PIEZO2: variants seen among roughly 807,000 people sequenced by gnomAD.
PIEZO2 encodes the protein piezo type mechanosensitive ion channel component 2.
A neutral mutation model predicts 337.3 loss-of-function variants in PIEZO2; 172 were observed. The ratio of observed to expected loss-of-function variants is 0.51; its 90% CI spans 0.45 to 0.58. The LOEUF is 0.58. Among genes scored for constraint, PIEZO2 ranks in the 20% least tolerant of loss-of-function variants. PIEZO2 has a pLI of 0.00. For missense variants in PIEZO2, 3,028 were observed against 3,391.3 expected (o/e 0.89, Z 2.66); for synonymous variants, 1,251 against 1,228.5 (o/e 1.02, Z -0.38).
intron 52 of PIEZO2, among the ~76,000 whole-genome samples, chr18:10,679,570 G>T (rs1308956501): frequency 1.3e-5 from 2 of 152,090 alleles, no homozygotes; most frequent in African/African-American, 4.8e-5. Flanking sequence ...CAAATCACTT[G>T]ATGCTCTGCC....
intron 1 of PIEZO2, among the ~76,000 whole-genome samples, chr18:11,090,252 A>G (rs1426687217): frequency 6.6e-6 from 1 of 152,208 alleles, no homozygotes; most frequent in Non-Finnish European, 1.5e-5. Context: ...TATCTGCCAG[A>G]TTAAATGACA....
In PIEZO2 at chr18:10,696,163, C is replaced by T; in HGVS notation, c.7101G>A (p.Lys2367=). ...MVVDRALYLR[K]TVLGKVIFQV... ...GGAAGATGACCTTTCCCAGTACAGT[C>T]TTCCTGAGGTAGAGGGCTCGGTCCA... is the stretch of plus-strand genomic sequence containing the variant. The change falls in exon 47 of 56, where the codon AAG becomes AAA. Residue 2367 remains lysine, a synonymous_variant. Transcript: ENST00000674853. The T allele has an allele frequency of 6.2e-7, 1 of 1,614,164 alleles. No individual in the cohort carries two copies. Among genetic ancestry groups the T allele is most frequent in the Non-Finnish European group, 8.5e-7 (1 of 1,179,982 alleles).
chr18:10,695,339 G>T (rs1366062552), intron 47 of PIEZO2, among the ~76,000 whole-genome samples: 1 of 152,172 alleles, frequency 6.6e-6, no homozygotes, highest in Non-Finnish European at 1.5e-5. Context: ...GCTTGGAGAT[G>T]CCAGGCACAC....
intron 42 of PIEZO2, among the ~76,000 whole-genome samples, chr18:10,702,391 T>C (rs981085256): frequency 6.6e-6 from 1 of 152,196 alleles, no homozygotes; most frequent in Non-Finnish European, 1.5e-5. Flanking sequence ...TCTTTCACTG[T>C]AGATCCAGCA....
Position 11,127,837 on chromosome 18 carries a change from T to C in PIEZO2, c.64+20688A>G, listed in dbSNP as rs1021754181. Among the ~76,000 whole-genome samples the C allele has an allele frequency of 3.9e-5, 4 of 103,144 alleles. No homozygotes were observed. Among genetic ancestry groups the C allele is most frequent in the Non-Finnish European group, 6.2e-5 (3 of 48,138 alleles). 67.7% of individuals were successfully genotyped at this position (103,144 alleles called of 152,430 possible). A position where few individuals can be genotyped will look rare whatever the true frequency, so the allele number is the denominator to read the frequency against. ...TGTGTGTGTGTGTGTATCCTATTAG[T>C]TCTCTTCCTCTAAGAGAACCCTAAT... is the stretch of plus-strand genomic sequence containing the variant. On this transcript the variant is annotated intron_variant, in intron 1 of 55. Coordinates refer to ENST00000674853, the MANE Select transcript of PIEZO2 (RefSeq NM_001378183.1). This position sits in a 1 kb window ranked among gnomAD's most constrained non-coding sequence, Gnocchi z 4.5.
chr18:10,723,085 A>G (rs1459919673), intron 36 of PIEZO2, among the ~76,000 whole-genome samples: 2 of 149,024 alleles, frequency 1.3e-5, no homozygotes, highest in Non-Finnish European at 3.0e-5. Flanking sequence ...CTCCTACCTC[A>G]GCCTCCCAAG....
intron 14 of PIEZO2, among the ~76,000 whole-genome samples, chr18:10,790,655 G>A (rs1356161210): frequency 6.6e-6 from 1 of 151,494 alleles, no homozygotes; most frequent in African/African-American, 2.4e-5. Context: ...ATTTCTCAGA[G>A]CCTCAGTTTT....
chr18:10,929,612 C>T lies in PIEZO2; in HGVS notation c.287-18384G>A, dbSNP rs2031960870. 6.6e-6 allele frequency among the ~76,000 whole-genome samples: 1 copy of T among 152,174 alleles called. No homozygotes were observed. Among genetic ancestry groups the T allele is most frequent in the Non-Finnish European group, 1.5e-5 (1 of 68,022 alleles). ...GCAAGACTGTGAGAGGAAAATGCCTCTACCAACCTCTCGGGTCTCAGGACA... is the reference window on the plus strand; with the variant it reads ...GCAAGACTGTGAGAGGAAAATGCCTTTACCAACCTCTCGGGTCTCAGGACA... On this transcript the variant is annotated intron_variant, in intron 3 of 55. Transcript: ENST00000674853. This position sits in a 1 kb window ranked among gnomAD's most constrained non-coding sequence, Gnocchi z 5.6.
chr18:10,701,803 T>C, intron 43 of PIEZO2, 186 bp downstream of exon 43: 2 of 458,450 alleles, frequency 4.4e-6, no homozygotes, highest in Non-Finnish European at 7.3e-6. Context: ...AAATGTCAGC[T>C]AAATGAACTT....
In PIEZO2 at chr18:11,146,752, G is replaced by A. The variant is rs2040821502; in HGVS notation, c.64+1773C>T. 6.6e-6 allele frequency among the ~76,000 whole-genome samples: 1 copy of A among 152,184 alleles called. No individual in the cohort carries two copies. Among genetic ancestry groups the A allele is most frequent in the Non-Finnish European group, 1.5e-5 (1 of 68,036 alleles). On this transcript the variant is annotated intron_variant, in intron 1 of 55. Transcript: ENST00000674853. The surrounding 1 kb of genome is among the most constrained non-coding windows in gnomAD (Gnocchi z 6.1). Reference sequence around the variant, plus strand: ...CTGGTGCCAAGTCACAGAGTGGACCGAGCTGGCTGCAGGGAACCACATGCC... The same window carrying A: ...CTGGTGCCAAGTCACAGAGTGGACCAAGCTGGCTGCAGGGAACCACATGCC...
intron 27 of PIEZO2, 117 bp from the exon 28 acceptor site, chr18:10,752,996 A>T (rs2037703848): frequency 8.0e-7 from 1 of 1,256,684 alleles, no homozygotes; most frequent in South Asian, 1.6e-5. Context: ...TGCAAATCAG[A>T]CTGTGAGCTT....
chr18:10,941,356 T>G (rs2032716720), intron 3 of PIEZO2, among the ~76,000 whole-genome samples: 1 of 152,178 alleles, frequency 6.6e-6, no homozygotes, highest in South Asian at 2.1e-4. Context: ...AATCCCCGCT[T>G]ACACCCCAAG....
rs530586015 is a variant in PIEZO2 at position 11,003,166 on chromosome 18, C to T, written c.161-23506G>A. Among the ~76,000 whole-genome samples the T allele has an allele frequency of 5.6e-4, 86 of 152,300 alleles. No individual in the cohort carries two copies. The highest frequency in any genetic ancestry group is 8.4e-4 in the Non-Finnish European group (57 of 68,020). On this transcript the variant is annotated intron_variant, in intron 2 of 55. Transcript: ENST00000674853. This position sits in a 1 kb window ranked among gnomAD's most constrained non-coding sequence, Gnocchi z 4.6. ...GGAGTCTGGGTGATGCAGTGAGGTT[C>T]CAGGACGTGTGTGGTATTAACTGTA... is the stretch of plus-strand genomic sequence containing the variant.
At chr18:10,961,434 A>G (rs995936886) in intron 3 of PIEZO2, among the ~76,000 whole-genome samples, 1 of 152,162 alleles carries the variant, frequency 6.6e-6, no homozygotes, top group African/African-American at 2.4e-5. Flanking sequence ...GAGGCAAGGG[A>G]CAAAAGACTA....
In PIEZO2 at chr18:10,855,317, A is replaced by C. The variant is rs1349556834; in HGVS notation, c.917+36T>G. 1.3e-6 allele frequency: 2 copies of C among 1,493,360 alleles called. No homozygotes were observed. The highest frequency in any genetic ancestry group is 1.8e-6 in the Non-Finnish European group (2 of 1,107,610). The allele number at this position is 1,493,360 out of a possible 1,614,324, so 92.5% of individuals were successfully genotyped here. A position where few individuals can be genotyped will look rare whatever the true frequency, so the allele number is the denominator to read the frequency against. On this transcript the variant is annotated intron_variant, in intron 7 of 55. Transcript: ENST00000674853. This position sits in a 1 kb window ranked among gnomAD's most constrained non-coding sequence, Gnocchi z 4.9. ...CAAGGTCCCAAAGGCGTGGGGGGAC[A>C]ACCTCTCCTGGAAATGCCATAAGGA...
chr18:10,978,207 G>A (rs2034522440), intron 3 of PIEZO2, among the ~76,000 whole-genome samples: 1 of 152,006 alleles, frequency 6.6e-6, no homozygotes, highest in Non-Finnish European at 1.5e-5. Context: ...ATGGTGGCAG[G>A]CACCTGTAGT....
chr18:10,845,624 T>A (rs2041334325), intron 7 of PIEZO2, among the ~76,000 whole-genome samples: 1 of 152,214 alleles, frequency 6.6e-6, no homozygotes, highest in South Asian at 2.1e-4. Flanking sequence ...TCTACCACAC[T>A]GCTCTGCAGC....
chr18:10,894,005 GGTT>G lies in PIEZO2; in HGVS notation c.329+17178_329+17180del, dbSNP rs1176144168. 1.3e-5 allele frequency among the ~76,000 whole-genome samples: 2 copies of G among 152,150 alleles called. No homozygotes were observed. Among genetic ancestry groups the G allele is most frequent in the African/African-American group, 2.4e-5 (1 of 41,430 alleles). ...GGTGAGCATCAGATGATGGTCAGGT[GGTT>G]GTTAACTGTCTCTTTAAAATAGTAA... is the stretch of plus-strand genomic sequence containing the variant. On this transcript the variant is annotated intron_variant, in intron 4 of 55. Transcript: ENST00000674853. This position sits in a 1 kb window ranked among gnomAD's most constrained non-coding sequence, Gnocchi z 4.1.
chr18:10,896,071 AAC>A, intron 4 of PIEZO2, among the ~76,000 whole-genome samples: 1 of 151,534 alleles, frequency 6.6e-6, no homozygotes, highest in Non-Finnish European at 1.5e-5. Flanking sequence ...AAAAAAAAAA[AAC>A]AAAAACGAAA....
Sources: gnomAD v4.1 joint callset for allele counts (sites outside exome capture counted in the v4.1 genomes callset) on GRCh38, gnomAD v4.1.1 for gene constraint, Gnocchi (gnomAD v3.1) non-coding constraint, MANE v1.5 for transcripts, NCBI Gene and HGNC (gene_info 2026-07-23, HGNC 2026-07-21) for gene names.